The following NCKAP5 variants were observed in gnomAD, a reference collection of about 807,000 sequenced individuals.
NCKAP5 encodes NCK associated protein 5.
Under a neutral mutation model 167.0 loss-of-function variants are expected in NCKAP5, and 92 were observed. The ratio of observed to expected loss-of-function variants is 0.55; its 90% CI spans 0.47 to 0.66. The LOEUF is 0.66. NCKAP5 is among the 30% of genes least tolerant of loss of function. The pLI is 0.00. For missense variants in NCKAP5, 2,378 were observed against 2,315.0 expected, an observed-to-expected ratio of 1.03 and a Z score of -0.56; for synonymous variants, 891 against 877.4, an observed-to-expected ratio of 1.02 and a Z score of -0.27.
intron 6 of NCKAP5, among the ~76,000 whole-genome samples, chr2:133,039,006 T>C (rs1197115472): frequency 6.6e-6 from 1 of 152,104 alleles, no homozygotes; most frequent in Non-Finnish European, 1.5e-5. Flanking sequence ...GGGAGGCTTA[T>C]ACAATTTCAA....
intron 19 of NCKAP5, among the ~76,000 whole-genome samples, chr2:132,715,183 A>G (rs1009108810): frequency 1.3e-5 from 2 of 152,186 alleles, no homozygotes; most frequent in African/African-American, 4.8e-5. Flanking sequence ...AAAAGACTGC[A>G]CCTTGCTTTT....
chr2:133,328,074 C>T (rs1027126396), intron 3 of NCKAP5, among the ~76,000 whole-genome samples: 1 of 152,188 alleles, frequency 6.6e-6, no homozygotes, highest in African/African-American at 2.4e-5. Context: ...TCTCTACCAA[C>T]GTTGGGCCCC....
chr2:133,341,607 AATTT>A (rs1048926197), intron 3 of NCKAP5, among the ~76,000 whole-genome samples: 1 of 152,162 alleles, frequency 6.6e-6, no homozygotes, highest in African/African-American at 2.4e-5. Context: ...GTATCTATAT[AATTT>A]AAGGTTATCC....
intron 5 of NCKAP5, among the ~76,000 whole-genome samples, chr2:133,159,021 G>A (rs1194055842): frequency 6.6e-6 from 1 of 151,888 alleles, no homozygotes; most frequent in Non-Finnish European, 1.5e-5. Context: ...ATGTCATTAA[G>A]GTTACAGACT....
rs538856953 is a variant in NCKAP5 at position 132,966,450 on chromosome 2, C to T, written c.430-2581G>A. On this transcript the variant is annotated intron_variant, in intron 7 of 19. Transcript: ENST00000409261. Reference sequence around the variant, plus strand: ...AGTCTTGATGTCTTTGTCTCCTAAACTCCTAAATGAGGCTAATGTCAACAT... The same window carrying T: ...AGTCTTGATGTCTTTGTCTCCTAAATTCCTAAATGAGGCTAATGTCAACAT... Among the ~76,000 whole-genome samples the T allele has an allele frequency of 2.0e-5, 3 of 152,304 alleles. No individual in the cohort carries two copies. In the Middle Eastern group the frequency reaches 0.01, roughly 518 times the overall value.
intron 6 of NCKAP5, among the ~76,000 whole-genome samples, chr2:133,111,716 A>G (rs1163686288): frequency 1.3e-5 from 2 of 152,226 alleles, no homozygotes; most frequent in African/African-American, 4.8e-5. Flanking sequence ...GGCAACATCC[A>G]GATAGCTGTT....
chr2:133,066,714 G>A (rs1467259759), intron 6 of NCKAP5, among the ~76,000 whole-genome samples: 2 of 152,150 alleles, frequency 1.3e-5, no homozygotes, highest in African/African-American at 2.4e-5. Flanking sequence ...TCTCAGAAAC[G>A]TTAGAATAGC....
chr2:133,069,661 C>T (rs2080321202), intron 6 of NCKAP5, among the ~76,000 whole-genome samples: 1 of 152,116 alleles, frequency 6.6e-6, no homozygotes. Context: ...CTTCAATTTC[C>T]TCCCTGGCCC....
At chr2:132,763,464 G>C (rs1454150792) in intron 16 of NCKAP5, among the ~76,000 whole-genome samples, 2 of 152,152 alleles carry the variant, frequency 1.3e-5, no homozygotes, top group Non-Finnish European at 2.9e-5. Flanking sequence ...AGGACACTCT[G>C]CTGCACATCA....
chr2:133,001,302 C>A (rs1375110338), intron 6 of NCKAP5, among the ~76,000 whole-genome samples: 1 of 151,052 alleles, frequency 6.6e-6, no homozygotes, highest in East Asian at 1.9e-4. Flanking sequence ...TCACTGCAAC[C>A]TTTGCTTCCC....
At chr2:133,376,797 A>G (rs1019598265) in intron 3 of NCKAP5, among the ~76,000 whole-genome samples, 2 of 152,190 alleles carry the variant, frequency 1.3e-5, no homozygotes, top group African/African-American at 4.8e-5. Flanking sequence ...GAATAACACA[A>G]TTGTTAGGAG....
chr2:133,665,894 C>T, the NCKAP5 span, among the ~76,000 whole-genome samples: 1 of 150,432 alleles, frequency 6.6e-6, no homozygotes, highest in Admixed American at 6.6e-5. Context: ...TTATTTGATT[C>T]ACAGTTGTTA....
intron 7 of NCKAP5, among the ~76,000 whole-genome samples, chr2:132,978,815 GC>G (rs368385174): frequency 1.3e-5 from 2 of 152,228 alleles, no homozygotes; most frequent in African/African-American, 4.8e-5. Flanking sequence ...ATAGACTTCT[GC>G]CCACAACAAC....
chr2:133,203,863 A>G (rs957874405), intron 5 of NCKAP5, among the ~76,000 whole-genome samples: 1 of 152,214 alleles, frequency 6.6e-6, no homozygotes, highest in Non-Finnish European at 1.5e-5. Flanking sequence ...TAAATCAGCT[A>G]TATAAATCCA....
chr2:133,105,588 G>A (rs1190904949), intron 6 of NCKAP5, among the ~76,000 whole-genome samples: 2 of 151,978 alleles, frequency 1.3e-5, no homozygotes, highest in African/African-American at 4.8e-5. Context: ...ACTTGCATTG[G>A]TAGGTTCTCC....
intron 3 of NCKAP5, among the ~76,000 whole-genome samples, chr2:133,346,534 T>G (rs892667305): frequency 6.6e-6 from 1 of 152,328 alleles, no homozygotes; most frequent in South Asian, 2.1e-4. Flanking sequence ...GTGATTAGTC[T>G]CATAGCCTCT....
At chr2:133,576,881 G>T in the NCKAP5 span, among the ~76,000 whole-genome samples, 4 of 152,222 alleles carry the variant, frequency 2.6e-5, no homozygotes, top group Admixed American at 6.5e-5. Context: ...AAAGTCCAAA[G>T]GTCGCAGGGT....
At chr2:133,581,803 C>T in the NCKAP5 span, among the ~76,000 whole-genome samples, 6 of 152,200 alleles carry the variant, frequency 3.9e-5, no homozygotes, top group East Asian at 1.9e-4. Flanking sequence ...GTTCACTTTT[C>T]GTTGTAAGTA....
chr2:133,177,634 C>G (rs2084528558), intron 5 of NCKAP5, among the ~76,000 whole-genome samples: 1 of 152,156 alleles, frequency 6.6e-6, no homozygotes, highest in Admixed American at 6.5e-5. Context: ...GAGGTCTCCA[C>G]TCCTACACCA....
Sources: gnomAD v4.1 joint callset for allele counts (sites outside exome capture counted in the v4.1 genomes callset) on GRCh38, gnomAD v4.1.1 for gene constraint, MANE v1.5 for transcripts, NCBI Gene and HGNC (gene_info 2026-07-23, HGNC 2026-07-21) for gene names.